C10orf71: variants seen among roughly 807,000 people sequenced by gnomAD.
C10orf71 encodes cardiac-enriched FHL2-interacting protein.
For synonymous variants in C10orf71, 758 were observed against 726.3 expected (o/e 1.04, Z -0.70); for missense variants, 1,869 against 1,804.5 (o/e 1.04, Z -0.65).
chr10:49,327,209 G>A lies in C10orf71; in HGVS notation c.*356G>A. 1 of 471,522 alleles carries A rather than the reference G, an allele frequency of 2.1e-6. No individual in the cohort carries two copies. The highest frequency in any genetic ancestry group is 3.7e-6 in the Non-Finnish European group (1 of 269,604). The allele number at this position is 471,522 out of a possible 1,614,324, so 29.2% of individuals were successfully genotyped here. A position where few individuals can be genotyped will look rare whatever the true frequency, so the allele number is the denominator to read the frequency against. ...CCTGCAAATTAGGTGGGTGTGGCAA[G>A]GGCACCGCCTGGTCCCAAGTGTCCC... On this transcript the variant is annotated 3_prime_UTR_variant, in exon 3 of 3. Transcript: ENST00000374144.
chr10:49,322,274 T>C (rs1010907340), intron 2 of C10orf71, 128 bp from the exon 3 acceptor site: 11 of 386,216 alleles, frequency 2.8e-5, no homozygotes, highest in South Asian at 1.7e-4. Flanking sequence ...AGTCTATACA[T>C]ATAGCAAGCT....
intron 1 of C10orf71, among the ~76,000 whole-genome samples, chr10:49,315,942 G>C (rs1345283610): frequency 1.3e-5 from 2 of 152,184 alleles, no homozygotes; most frequent in Non-Finnish European, 2.9e-5. Flanking sequence ...TGTAATCCCA[G>C]CTACTTGGGT....
chr10:49,300,261 C>A (rs1476864234), intron 1 of C10orf71, among the ~76,000 whole-genome samples: 1 of 152,134 alleles, frequency 6.6e-6, no homozygotes, highest in Non-Finnish European at 1.5e-5. Context: ...GTGGTCTGAG[C>A]ATCTGGTTTT....
chr10:49,309,702 G>C (rs1392505482), intron 1 of C10orf71, among the ~76,000 whole-genome samples: 1 of 152,162 alleles, frequency 6.6e-6, no homozygotes, highest in East Asian at 1.9e-4. Flanking sequence ...TGTGTGCTGT[G>C]CATCTGTGGA....
At chr10:49,302,426 C>T (rs1402680149) in intron 1 of C10orf71, among the ~76,000 whole-genome samples, 1 of 152,174 alleles carries the variant, frequency 6.6e-6, no homozygotes, top group Non-Finnish European at 1.5e-5. Context: ...AGATGCAAGC[C>T]ATTTCTTGCC....
chr10:49,308,133 T>G (rs878937620), intron 1 of C10orf71, among the ~76,000 whole-genome samples: 1 of 152,200 alleles, frequency 6.6e-6, no homozygotes, highest in African/African-American at 2.4e-5. Flanking sequence ...CAGCAGCCCC[T>G]GCTACCCCCT....
chr10:49,326,802 C>T lies in C10orf71; in HGVS notation c.4257C>T (p.Gly1419=), dbSNP rs1430388079. The T allele has an allele frequency of 6.5e-7, 1 of 1,549,678 alleles. No individual in the cohort carries two copies. The highest frequency in any genetic ancestry group is 1.4e-5 in the African/African-American group (1 of 73,104). Residue 1419 remains glycine, a synonymous_variant, in exon 3 of 3, where the codon GGC becomes GGT. Coordinates refer to ENST00000374144, the MANE Select transcript of C10orf71 (RefSeq NM_001135196.2). ...GEEGVEAPGL[G]IISTDDLEDF... is the part of the protein sequence containing the mutation. The stretch of plus-strand genomic sequence containing the variant: ...AGGGTGTAGAAGCTCCAGGCCTGGG[C>T]ATCATCTCCACTGATGACCTAGAGG...
At chr10:49,304,785 A>C (rs1848785502) in intron 1 of C10orf71, among the ~76,000 whole-genome samples, 1 of 152,226 alleles carries the variant, frequency 6.6e-6, no homozygotes, top group African/African-American at 2.4e-5. Flanking sequence ...CCATCCCAGC[A>C]AAAACAAATG....
intron 1 of C10orf71, among the ~76,000 whole-genome samples, chr10:49,305,375 G>C (rs1344433850): frequency 1.3e-5 from 2 of 152,110 alleles, no homozygotes; most frequent in Non-Finnish European, 2.9e-5. Flanking sequence ...CACACCACCA[G>C]GTATTAAATT....
chr10:49,319,085 C>T (rs1449036918), intron 2 of C10orf71, among the ~76,000 whole-genome samples: 2 of 152,214 alleles, frequency 1.3e-5, no homozygotes, highest in Non-Finnish European at 2.9e-5. Flanking sequence ...GAACACTTAA[C>T]AGCACCCTGC....
Position 49,323,211 on chromosome 10 carries a change from C to T in C10orf71, c.666C>T (p.Ser222=). 6.2e-7 allele frequency: 1 copy of T among 1,613,980 alleles called. No individual in the cohort carries two copies. ...PGRKHGEQES[S]KNPEMACHGS... ...GGAAGCACGGAGAACAGGAGTCCTCCAAGAATCCAGAAATGGCCTGTCACG... is the reference window on the plus strand; with the variant it reads ...GGAAGCACGGAGAACAGGAGTCCTCTAAGAATCCAGAAATGGCCTGTCACG... Residue 222 remains serine (S), a synonymous_variant, in exon 3 of 3, where the codon TCC becomes TCT. Coordinates refer to ENST00000374144, the MANE Select transcript of C10orf71 (RefSeq NM_001135196.2).
Position 49,324,913 on chromosome 10 carries a change from T to C in C10orf71, c.2368T>C (p.Cys790Arg), listed in dbSNP as rs1358309030. 1 of 1,550,750 alleles carries C rather than the reference T, an allele frequency of 6.4e-7. No individual in the cohort carries two copies. Among genetic ancestry groups the C allele is most frequent in the Non-Finnish European group, 8.7e-7 (1 of 1,146,248 alleles). The change falls in exon 3 of 3, where the codon TGC becomes CGC. Residue 790 changes from cysteine to arginine, a missense_variant. Transcript: ENST00000374144. The stretch of plus-strand genomic sequence containing the variant: ...CTGTGCCTTAAGCAATGGGCACGCA[T>C]GCCTGGAAAACCGCAGCCAGGGGGA... ...QYCALSNGHA[C>R]LENRSQGEAL...
intron 2 of C10orf71, among the ~76,000 whole-genome samples, chr10:49,320,831 A>G (rs1238204168): frequency 6.6e-6 from 1 of 152,210 alleles, no homozygotes; most frequent in East Asian, 1.9e-4. Context: ...CACAGCTCCA[A>G]TCCAAAGATG....
chr10:49,315,816 G>A (rs1848990881), intron 1 of C10orf71, among the ~76,000 whole-genome samples: 1 of 152,200 alleles, frequency 6.6e-6, no homozygotes. Context: ...AGAACTTTGG[G>A]AGGCCAAGGC....
Position 49,326,879 on chromosome 10 carries a change from C to G in C10orf71, c.*26C>G, listed in dbSNP as rs1412067310. ...GTTACTGCAGGCTGTCCCCCACCCCCAGATGAACCCAGAGGAGCTTACTTC... is the reference window on the plus strand; with the variant it reads ...GTTACTGCAGGCTGTCCCCCACCCCGAGATGAACCCAGAGGAGCTTACTTC... On this transcript the variant is annotated 3_prime_UTR_variant, in exon 3 of 3. Coordinates refer to ENST00000374144, the MANE Select transcript of C10orf71 (RefSeq NM_001135196.2). 34 of 1,516,206 alleles carry G rather than the reference C, an allele frequency of 2.2e-5. No individual in the cohort carries two copies. Among genetic ancestry groups the G allele is most frequent in the Middle Eastern group, 3.4e-4 (2 of 5,880 alleles). 93.9% of individuals were successfully genotyped at this position (1,516,206 alleles called of 1,614,324 possible).
At position 49,324,225 on chromosome 10, in the gene C10orf71, A is replaced by G. The variant is rs778532590; in HGVS notation, c.1680A>G (p.Arg560=). Reference sequence around the variant, plus strand: ...CTCCAAATGAGCTTTCTAAGGAGAGACCCGCTGATGACCCCACTGCATCAC... The same window carrying G: ...CTCCAAATGAGCTTTCTAAGGAGAGGCCCGCTGATGACCCCACTGCATCAC... ...ESPPNELSKE[R]PADDPTASHI... The change falls in exon 3 of 3, where the codon AGA becomes AGG. Residue 560 remains arginine (R), a synonymous_variant. Transcript: ENST00000374144. 1 of 1,613,868 alleles carries G rather than the reference A, an allele frequency of 6.2e-7. No homozygotes were observed. The highest frequency in any genetic ancestry group is 8.5e-7 in the Non-Finnish European group (1 of 1,179,864).
chr10:49,315,747 G>A (rs775105120), intron 1 of C10orf71, among the ~76,000 whole-genome samples: 5 of 152,194 alleles, frequency 3.3e-5, no homozygotes, highest in Admixed American at 6.5e-5. Context: ...CTACATCGTT[G>A]TATAACTGAC....
chr10:49,301,258 A>G (rs1848723901), intron 1 of C10orf71, among the ~76,000 whole-genome samples: 1 of 152,210 alleles, frequency 6.6e-6, no homozygotes, highest in Admixed American at 6.5e-5. Context: ...CTGCTCCCCA[A>G]CAGGGTCCAT....
chr10:49,315,178 A>G (rs1047537597), intron 1 of C10orf71, among the ~76,000 whole-genome samples: 2 of 152,220 alleles, frequency 1.3e-5, no homozygotes, highest in African/African-American at 4.8e-5. Context: ...TGATTCTCCA[A>G]AGAAATAGAC....
Sources: allele counts gnomAD v4.1 joint callset (sites outside exome capture counted in the v4.1 genomes callset), GRCh38; gene constraint gnomAD v4.1.1; transcripts MANE v1.5; gene names NCBI Gene and HGNC (gene_info 2026-07-23, HGNC 2026-07-21).